Variants in ADAM20 observed in about 807,000 individuals in gnomAD.
The protein encoded by ADAM20 is ADAM metallopeptidase domain 20.
For synonymous variants in ADAM20, 305 were observed against 310.2 expected (o/e 0.98, Z 0.18); for missense variants, 871 against 883.2 (o/e 0.99, Z 0.18).
chr14:70,530,347 GC>G (rs1883685229), intron 1 of ADAM20, among the ~76,000 whole-genome samples: 1 of 152,034 alleles, frequency 6.6e-6, no homozygotes, highest in South Asian at 2.1e-4. Context: ...TGATCACAAT[GC>G]CTTCTTCTGG....
chr14:70,542,631 C>T, the ADAM20 span, among the ~76,000 whole-genome samples: 6 of 152,112 alleles, frequency 3.9e-5, no homozygotes, highest in Non-Finnish European at 5.9e-5. Flanking sequence ...AACAAAGTTC[C>T]GTCAAAGCCA....
At position 70,522,555 on chromosome 14, in the gene ADAM20, C is replaced by A; in HGVS notation, c.*22G>T. On this transcript the variant is annotated 3_prime_UTR_variant, in exon 2 of 2. Transcript: ENST00000256389. ...TTAAAAATGAAGTATAAAGTTTAGTCTCCTTCTTTTTCCCATTTCTCTTAT... is the reference window on the plus strand; with the variant it reads ...TTAAAAATGAAGTATAAAGTTTAGTATCCTTCTTTTTCCCATTTCTCTTAT... 1.3e-6 allele frequency: 2 copies of A among 1,528,436 alleles called. No homozygotes were observed. The highest frequency in any genetic ancestry group is 1.8e-6 in the Non-Finnish European group (2 of 1,140,322). 94.7% of individuals were successfully genotyped at this position (1,528,436 alleles called of 1,614,324 possible). A position where few individuals can be genotyped will look rare whatever the true frequency, so the allele number is the denominator to read the frequency against.
chr14:70,557,772 T>A, the ADAM20 span, among the ~76,000 whole-genome samples: 14 of 152,316 alleles, frequency 9.2e-5, no homozygotes, highest in African/African-American at 3.4e-4. Context: ...TTTGCAATTT[T>A]TTTAGCTCAT....
intron 1 of ADAM20, among the ~76,000 whole-genome samples, chr14:70,527,951 C>A (rs1466249192): frequency 6.6e-6 from 1 of 152,160 alleles, no homozygotes; most frequent in Non-Finnish European, 1.5e-5. Context: ...ATTATAGTAT[C>A]CTTCAATGTT....
the ADAM20 span, among the ~76,000 whole-genome samples, chr14:70,577,954 G>C: frequency 5.9e-5 from 9 of 152,138 alleles, no homozygotes; most frequent in Non-Finnish European, 8.8e-5. Context: ...GGAAGCACTT[G>C]ATGCCATTGG....
the ADAM20 span, among the ~76,000 whole-genome samples, chr14:70,578,589 T>C: frequency 1.3e-5 from 2 of 152,210 alleles, no homozygotes; most frequent in African/African-American, 4.8e-5. Context: ...TTGCACATTA[T>C]GCATCCAACA....
At chr14:70,534,061 C>T (rs117099545) in intron 1 of ADAM20, among the ~76,000 whole-genome samples, 2,275 of 112,864 alleles carry the variant, frequency 0.02, 23 homozygotes, top group Non-Finnish European at 0.03. Flanking sequence ...CTAGTCTGGG[C>T]GAGAGAGCAA....
In ADAM20 at chr14:70,523,506, C is replaced by G. The variant is rs1883504950; in HGVS notation, c.1252G>C (p.Gly418Arg). The change falls in exon 2 of 2, where the codon GGG becomes CGG. Residue 418 changes from glycine to arginine, a missense_variant. By Grantham distance (125) the Gly-to-Arg change is moderately radical (BLOSUM62 -2). Transcript: ENST00000256389. The stretch of plus-strand genomic sequence containing the variant: ...ATGGTTCCACAGTCACATTCCTCCC[C>G]TTCTTCAACCACTAGATTCCCACAG... Reference protein sequence around the residue: ...KYCGNLVVEEGEECDCGTIRQ... With the variant: ...KYCGNLVVEEREECDCGTIRQ... The G allele has an allele frequency of 1.9e-6, 3 of 1,614,112 alleles. No homozygotes were observed. Among genetic ancestry groups the G allele is most frequent in the African/African-American group, 2.7e-5 (2 of 75,048 alleles).
chr14:70,576,720 A>G, the ADAM20 span, among the ~76,000 whole-genome samples: 1 of 152,196 alleles, frequency 6.6e-6, no homozygotes, highest in Non-Finnish European at 1.5e-5. Context: ...AGGGTACATA[A>G]AGAGGGTTGA....
chr14:70,571,935 C>T, the ADAM20 span, among the ~76,000 whole-genome samples: 1 of 152,132 alleles, frequency 6.6e-6, no homozygotes, highest in African/African-American at 2.4e-5. Context: ...AGGCGAAAGA[C>T]CTCTACAAGG....
chr14:70,555,419 A>T, the ADAM20 span, among the ~76,000 whole-genome samples: 77 of 152,324 alleles, frequency 5.1e-4, no homozygotes, highest in African/African-American at 7.2e-4. Flanking sequence ...TCAATTTTTT[A>T]AAAAAAGGTG....
the ADAM20 span, among the ~76,000 whole-genome samples, chr14:70,550,690 G>A: frequency 1.7e-3 from 59 of 34,818 alleles, no homozygotes; most frequent in Admixed American, 3.1e-3. Context: ...AAAGAGTCCA[G>A]GACCAGATGG....
chr14:70,577,112 A>T, the ADAM20 span, among the ~76,000 whole-genome samples: 1 of 152,366 alleles, frequency 6.6e-6, no homozygotes, highest in South Asian at 2.1e-4. Context: ...GGAAGAGAAT[A>T]TTTCCCAACT....
At chr14:70,543,006 C>A in the ADAM20 span, among the ~76,000 whole-genome samples, 6 of 151,406 alleles carry the variant, frequency 4.0e-5, no homozygotes, top group Non-Finnish European at 7.4e-5. Context: ...ATAATTAAAC[C>A]AAGTATAATA....
At chr14:70,555,969 C>A in the ADAM20 span, among the ~76,000 whole-genome samples, 1 of 152,222 alleles carries the variant, frequency 6.6e-6, no homozygotes, top group East Asian at 1.9e-4. Context: ...TCCCCGGATG[C>A]GGTGGCGGCC....
chr14:70,534,920 C>G lies in ADAM20; in HGVS notation c.-300G>C, dbSNP rs1315156652. On this transcript the variant is annotated 5_prime_UTR_variant, in exon 1 of 2. Transcript: ENST00000256389. ...GGACAGGATATTGACAGACACAAGACTTGGTACTAGGAGTGATACCAAAAA... is the reference window on the plus strand; with the variant it reads ...GGACAGGATATTGACAGACACAAGAGTTGGTACTAGGAGTGATACCAAAAA... 1 of 152,148 alleles carries G rather than the reference C, an allele frequency of 6.6e-6. No homozygotes were observed. Among genetic ancestry groups the G allele is most frequent in the Non-Finnish European group, 1.5e-5 (1 of 68,010 alleles). The allele number at this position is 152,148 out of a possible 1,614,324, so 9.4% of individuals were successfully genotyped here.
At chr14:70,527,018 C>T (rs1211524178) in intron 1 of ADAM20, among the ~76,000 whole-genome samples, 1 of 152,096 alleles carries the variant, frequency 6.6e-6, no homozygotes, top group Admixed American at 6.6e-5. Flanking sequence ...AACACTGTAA[C>T]CAGAGTTTAT....
chr14:70,541,771 T>A, the ADAM20 span, among the ~76,000 whole-genome samples: 23 of 152,334 alleles, frequency 1.5e-4, 1 homozygote, highest in East Asian at 7.7e-4. Flanking sequence ...ACTCTTATAA[T>A]TCTGATATCT....
chr14:70,546,721 TAAAC>T, the ADAM20 span, among the ~76,000 whole-genome samples: 1 of 151,652 alleles, frequency 6.6e-6, no homozygotes, highest in South Asian at 2.1e-4. Flanking sequence ...AATCTTCAAA[TAAAC>T]AACCTAACAA....
Sources: allele counts gnomAD v4.1 joint callset (sites outside exome capture counted in the v4.1 genomes callset), GRCh38; gene constraint gnomAD v4.1.1; transcripts MANE v1.5; gene names NCBI Gene and HGNC (gene_info 2026-07-23, HGNC 2026-07-21).